The following EXOC4 variants were observed in gnomAD, a reference collection of about 807,000 sequenced individuals.
The protein encoded by EXOC4 is SEC8-like 1.
EXOC4 carries 71 observed loss-of-function variants against 107.2 expected under a neutral mutation model. The observed-to-expected ratio is 0.66, with a 90% CI of 0.55 to 0.81. The LOEUF (loss-of-function observed/expected upper bound fraction) is 0.81. Ranked by LOEUF, EXOC4 falls within the 30% of genes least tolerant of loss-of-function variation. The pLI, the probability that EXOC4 is intolerant of heterozygous loss-of-function variation, is 0.00. For synonymous variants in EXOC4, 456 were observed against 441.2 expected, an observed-to-expected ratio of 1.03 and a Z score of -0.42; for missense variants, 1,108 against 1,189.6, an observed-to-expected ratio of 0.93 and a Z score of 1.01.
chr7:133,635,648 A>C (rs891055934), intron 10 of EXOC4, among the ~76,000 whole-genome samples: 1 of 152,196 alleles, frequency 6.6e-6, no homozygotes, highest in African/African-American at 2.4e-5. Flanking sequence ...TCATAACCAC[A>C]GAGTCCCAGT....
the EXOC4 span, among the ~76,000 whole-genome samples, chr7:134,088,664 T>G: frequency 2.0e-5 from 3 of 152,164 alleles, no homozygotes; most frequent in South Asian, 6.2e-4. Context: ...AAAACTGCAT[T>G]TAAGAACACC....
chr7:133,559,874 C>T (rs1054676033), intron 9 of EXOC4, among the ~76,000 whole-genome samples: 1 of 152,110 alleles, frequency 6.6e-6, no homozygotes, highest in Non-Finnish European at 1.5e-5. Flanking sequence ...TGTCAGTTGA[C>T]CTTCACTGTG....
At chr7:133,445,617 T>TGCAA (rs1554454123) in intron 7 of EXOC4, among the ~76,000 whole-genome samples, 90 of 150,584 alleles carry the variant, frequency 6.0e-4, no homozygotes, top group African/African-American at 2.0e-3. Flanking sequence ...GGACAGTTAC[T>TGCAA]ACAAACAAAC....
chr7:133,297,868 G>T (rs79937851), intron 3 of EXOC4, among the ~76,000 whole-genome samples: 1 of 152,190 alleles, frequency 6.6e-6, no homozygotes, highest in East Asian at 1.9e-4. Flanking sequence ...GAGTGTACAG[G>T]AAGAATGCTC....
rs562469260 is a variant in EXOC4, at chr7:133,539,965, C to T, written c.1417+59827C>T. On this transcript the variant is annotated intron_variant, in intron 9 of 17. Transcript: ENST00000253861. ...AGGTAATGAGTTCACTGGAGGAAAT[C>T]TCACAATCCCTTCTTGCTTGATGAT... Among the ~76,000 whole-genome samples the T allele has an allele frequency of 2.6e-5, 4 of 152,216 alleles. No homozygotes were observed. The East Asian group carries it at 5.8e-4, about 22-fold the overall frequency.
At chr7:133,649,013 C>T (rs1803065943) in intron 10 of EXOC4, among the ~76,000 whole-genome samples, 1 of 152,052 alleles carries the variant, frequency 6.6e-6, no homozygotes, top group South Asian at 2.1e-4. Flanking sequence ...CTTGAGTAGA[C>T]TTTTTTGGTA....
intron 11 of EXOC4, among the ~76,000 whole-genome samples, chr7:133,837,916 A>C (rs1472013724): frequency 6.6e-6 from 1 of 152,210 alleles, no homozygotes; most frequent in Non-Finnish European, 1.5e-5. Context: ...CAACTTTAAG[A>C]GGAAATGCTG....
chr7:133,992,617 G>C (rs1211849602), intron 14 of EXOC4, among the ~76,000 whole-genome samples: 2 of 151,650 alleles, frequency 1.3e-5, no homozygotes, highest in Non-Finnish European at 2.9e-5. Context: ...TCCTGCAACT[G>C]TACTAAATTC....
chr7:133,934,181 C>A (rs1227948193), intron 13 of EXOC4, among the ~76,000 whole-genome samples: 1 of 152,092 alleles, frequency 6.6e-6, no homozygotes, highest in Non-Finnish European at 1.5e-5. Context: ...TTTAATAAAT[C>A]AGAGGGATTG....
chr7:133,468,404 CTTTTTCTGTTAT>C (rs1208384707), intron 7 of EXOC4, among the ~76,000 whole-genome samples: 2 of 151,928 alleles, frequency 1.3e-5, no homozygotes, highest in Non-Finnish European at 2.9e-5. Flanking sequence ...AAAAAAATAA[CTTTTTCTGTTAT>C]TTTTTCTGTT....
chr7:133,815,696 T>A (rs1797352509), intron 10 of EXOC4, among the ~76,000 whole-genome samples: 1 of 152,334 alleles, frequency 6.6e-6, no homozygotes, highest in East Asian at 1.9e-4. Flanking sequence ...GTGTGAAATT[T>A]GTTGCCAACA....
intron 10 of EXOC4, among the ~76,000 whole-genome samples, chr7:133,641,947 A>C (rs979958184): frequency 2.0e-5 from 3 of 152,204 alleles, no homozygotes; most frequent in Non-Finnish European, 4.4e-5. Context: ...GATTTCACTG[A>C]AGATTAAAAA....
At chr7:133,672,079 G>A (rs1305902945) in intron 10 of EXOC4, among the ~76,000 whole-genome samples, 1 of 152,106 alleles carries the variant, frequency 6.6e-6, no homozygotes, top group Non-Finnish European at 1.5e-5. Context: ...GTCATGTGTG[G>A]ATATTGAGCA....
chr7:133,591,498 C>G (rs1023692274), intron 9 of EXOC4, among the ~76,000 whole-genome samples: 8 of 151,910 alleles, frequency 5.3e-5, no homozygotes, highest in Non-Finnish European at 1.0e-4. Context: ...TGTTTGAAAC[C>G]CATGCATAGT....
At chr7:133,282,207 A>G (rs777080926) in intron 2 of EXOC4, among the ~76,000 whole-genome samples, 2 of 152,156 alleles carry the variant, frequency 1.3e-5, no homozygotes, top group Non-Finnish European at 2.9e-5. Context: ...TGCCGTCTGT[A>G]TCATCTCACA....
intron 5 of EXOC4, among the ~76,000 whole-genome samples, chr7:133,320,473 C>T (rs971153918): frequency 6.6e-6 from 1 of 152,178 alleles, no homozygotes; most frequent in Admixed American, 6.5e-5. Flanking sequence ...TCTTCTGTGC[C>T]TCTTTCCTCT....
chr7:134,090,074 A>G, the EXOC4 span, among the ~76,000 whole-genome samples: 1 of 152,230 alleles, frequency 6.6e-6, no homozygotes, highest in East Asian at 1.9e-4. Flanking sequence ...ATAATGTAAA[A>G]GGCATTACAC....
chr7:133,574,076 GTT>G (rs1801078278), intron 9 of EXOC4, among the ~76,000 whole-genome samples: 1 of 152,104 alleles, frequency 6.6e-6, no homozygotes, highest in Admixed American at 6.5e-5. Context: ...CTGCTAATAA[GTT>G]GCTGTGCTTA....
intron 9 of EXOC4, among the ~76,000 whole-genome samples, chr7:133,556,107 C>T (rs775535519): frequency 3.3e-5 from 5 of 152,192 alleles, no homozygotes; most frequent in African/African-American, 9.7e-5. Flanking sequence ...CCTGACAGAT[C>T]ACCTCTCCAG....
Sources: allele counts gnomAD v4.1 joint callset (sites outside exome capture counted in the v4.1 genomes callset), GRCh38; gene constraint gnomAD v4.1.1; transcripts MANE v1.5; gene names NCBI Gene and HGNC (gene_info 2026-07-23, HGNC 2026-07-21).